The following RAPGEF2 variants were observed in gnomAD, a reference collection of about 807,000 sequenced individuals.
The protein encoded by RAPGEF2 is Rap guanine nucleotide exchange factor 2.
Under a neutral mutation model 186.7 loss-of-function variants are expected in RAPGEF2, and 54 were observed. The observed-to-expected ratio is 0.29, with a 90% CI of 0.23 to 0.36. The LOEUF (loss-of-function observed/expected upper bound fraction) is 0.36. Among genes scored for constraint, RAPGEF2 ranks in the 10% least tolerant of loss-of-function variants. The pLI, the probability that RAPGEF2 is intolerant of heterozygous loss-of-function variation, is 1.00. For synonymous variants in RAPGEF2, 712 were observed against 705.9 expected (o/e 1.01, Z -0.14); for missense variants, 1,532 against 2,045.0 (o/e 0.75, Z 4.84).
rs1167058418 is a variant in RAPGEF2, at chr4:159,104,140, C to A, written c.-23C>A. 11 of 1,510,454 alleles carry A rather than the reference C, an allele frequency of 7.3e-6. No homozygotes were observed. In the South Asian group the frequency reaches 1.2e-4, roughly 17 times the overall value. 93.6% of individuals were successfully genotyped at this position (1,510,454 alleles called of 1,614,324 possible). On this transcript the variant is annotated 5_prime_UTR_variant, in exon 1 of 30. Coordinates refer to ENST00000691494, the MANE Select transcript of RAPGEF2 (RefSeq NM_001394067.2). Reference sequence around the variant, plus strand: ...GAGGCCGGCCAGGGTGCGGAGCGGCCCCGGCCCGCTCCCAGAGGGGAGATG... The same window carrying A: ...GAGGCCGGCCAGGGTGCGGAGCGGCACCGGCCCGCTCCCAGAGGGGAGATG...
Position 159,356,629 on chromosome 4 carries a change from G to A in RAPGEF2, c.4957+471G>A, listed in dbSNP as rs986754127. ...TTAAGAAAAAGAATAGGCCAGGTGC[G>A]ATGGCTTACACCTGTAATCCCAGCA... On this transcript the variant is annotated intron_variant, in intron 29 of 29. Coordinates refer to ENST00000691494, the MANE Select transcript of RAPGEF2 (RefSeq NM_001394067.2). 2.6e-5 allele frequency among the ~76,000 whole-genome samples: 4 copies of A among 152,288 alleles called. No homozygotes were observed. In the South Asian group the frequency reaches 6.2e-4, roughly 24 times the overall value.
intron 6 of RAPGEF2, among the ~76,000 whole-genome samples, chr4:159,242,101 GA>G (rs1208108455): frequency 6.6e-6 from 1 of 151,918 alleles, no homozygotes; most frequent in Non-Finnish European, 1.5e-5. Flanking sequence ...CCAAGACATA[GA>G]TAATGAGTGC....
chr4:159,135,536 T>C (rs1264981317), intron 1 of RAPGEF2, among the ~76,000 whole-genome samples: 8 of 152,230 alleles, frequency 5.3e-5, no homozygotes, highest in Admixed American at 1.3e-4. Flanking sequence ...CTTTCATATA[T>C]TTACTTACTA....
chr4:159,227,894 G>A (rs1235608968), intron 4 of RAPGEF2, among the ~76,000 whole-genome samples: 1 of 152,078 alleles, frequency 6.6e-6, no homozygotes, highest in African/African-American at 2.4e-5. Flanking sequence ...GCATCTCTTT[G>A]GCGGAGAGCA....
chr4:159,324,543 A>G (rs1181113600), intron 11 of RAPGEF2, among the ~76,000 whole-genome samples: 2 of 152,228 alleles, frequency 1.3e-5, no homozygotes, highest in Admixed American at 6.5e-5. Flanking sequence ...ACATTAATAA[A>G]AGTGATATGA....
At chr4:159,300,803 G>T (rs908793028) in intron 7 of RAPGEF2, among the ~76,000 whole-genome samples, 1 of 152,132 alleles carries the variant, frequency 6.6e-6, no homozygotes, top group Non-Finnish European at 1.5e-5. Context: ...TTGCTGTCAC[G>T]TTGTGCCTTG....
At chr4:159,126,355 A>G (rs1740295689) in intron 1 of RAPGEF2, among the ~76,000 whole-genome samples, 2 of 152,204 alleles carry the variant, frequency 1.3e-5, no homozygotes. Flanking sequence ...TTGAAAGCCC[A>G]GTGTAAAGCA....
intron 10 of RAPGEF2, among the ~76,000 whole-genome samples, chr4:159,323,172 T>TGG (rs945485007): frequency 3.3e-5 from 5 of 152,172 alleles, no homozygotes; most frequent in African/African-American, 1.2e-4. Flanking sequence ...ACATGAGCTT[T>TGG]GGGGGGACAG....
intron 4 of RAPGEF2, among the ~76,000 whole-genome samples, chr4:159,219,755 A>G (rs536770404): frequency 3.9e-5 from 6 of 152,354 alleles, no homozygotes; most frequent in African/African-American, 1.4e-4. Context: ...ACTCCAGGTT[A>G]TTAGTCATGT....
At chr4:159,191,564 C>T (rs1748125251) in intron 2 of RAPGEF2, among the ~76,000 whole-genome samples, 1 of 152,218 alleles carries the variant, frequency 6.6e-6, no homozygotes, top group African/African-American at 2.4e-5. Context: ...CATGAGGAAA[C>T]CCTGTCTCTA....
At chr4:159,124,993 A>T (rs1161884309) in intron 1 of RAPGEF2, among the ~76,000 whole-genome samples, 1 of 151,812 alleles carries the variant, frequency 6.6e-6, no homozygotes, top group South Asian at 2.1e-4. Context: ...TTTCTAGCCT[A>T]ACTTTCTTGA....
intron 7 of RAPGEF2, among the ~76,000 whole-genome samples, chr4:159,255,890 GAAAA>G (rs1337065350): frequency 1.2e-5 from 1 of 83,584 alleles, no homozygotes; most frequent in Non-Finnish European, 2.4e-5. Context: ...TTATGTCTTG[GAAAA>G]AATATTTACT....
At chr4:159,246,742 A>G (rs1194728749) in intron 7 of RAPGEF2, among the ~76,000 whole-genome samples, 1 of 152,134 alleles carries the variant, frequency 6.6e-6, no homozygotes, top group East Asian at 1.9e-4. Flanking sequence ...ATTTTTACTC[A>G]TATCATGTCT....
chr4:159,161,563 G>A (rs1283503851), intron 1 of RAPGEF2, among the ~76,000 whole-genome samples: 1 of 152,098 alleles, frequency 6.6e-6, no homozygotes, highest in Non-Finnish European at 1.5e-5. Context: ...AATTAGCCAG[G>A]TGTGGTGACA....
chr4:159,356,233 T>C (rs1028155372), intron 29 of RAPGEF2, 75 bp downstream of exon 29: 1 of 1,424,018 alleles, frequency 7.0e-7, no homozygotes, highest in African/African-American at 1.4e-5. Context: ...GGCATTTCTG[T>C]TCTCTTAACA....
intron 28 of RAPGEF2, 42 bp from the exon 29 acceptor site, chr4:159,355,811 C>G (rs1333046515): frequency 3.4e-6 from 5 of 1,470,770 alleles, no homozygotes; most frequent in Non-Finnish European, 4.6e-6. Context: ...ACTTTTGTGG[C>G]ATGAACTAGT....
At position 159,154,505 on chromosome 4, in the gene RAPGEF2, CTT is replaced by C. The variant is rs5863351; in HGVS notation, c.70-32124_70-32123del. Among the ~76,000 whole-genome samples, 703 of 136,668 alleles carry C rather than the reference CTT, an allele frequency of 5.1e-3. 3 individuals are homozygous for C. Among genetic ancestry groups the C allele is most frequent in the African/African-American group, 0.018 (658 of 35,630 alleles). 89.7% of individuals were successfully genotyped at this position (136,668 alleles called of 152,430 possible). A position where few individuals can be genotyped will look rare whatever the true frequency, so the allele number is the denominator to read the frequency against. On this transcript the variant is annotated intron_variant, in intron 1 of 29. Transcript: ENST00000691494. ...TTTTCTCTCCTTCCACTCACATCACCTTTTTTTTTTTTTTAAAAAAAACAACC... is the reference window on the plus strand; with the variant it reads ...TTTTCTCTCCTTCCACTCACATCACCTTTTTTTTTTTTAAAAAAAACAACC...
At chr4:159,196,393 A>T (rs1748655987) in intron 3 of RAPGEF2, among the ~76,000 whole-genome samples, 1 of 152,248 alleles carries the variant, frequency 6.6e-6, no homozygotes, top group South Asian at 2.1e-4. Flanking sequence ...TTTGAAGAAC[A>T]CAGTGTAGTC....
chr4:159,180,194 T>C (rs969916156), intron 1 of RAPGEF2, among the ~76,000 whole-genome samples: 31 of 152,244 alleles, frequency 2.0e-4, no homozygotes, highest in Admixed American at 2.0e-4. Flanking sequence ...AATATTTGGC[T>C]GCTGACCTCC....
Sources: allele counts gnomAD v4.1 joint callset (sites outside exome capture counted in the v4.1 genomes callset), GRCh38; gene constraint gnomAD v4.1.1; transcripts MANE v1.5; gene names NCBI Gene and HGNC (gene_info 2026-07-23, HGNC 2026-07-21).